SHANK2: variants seen among roughly 807,000 people sequenced by gnomAD.
The protein encoded by SHANK2 is SH3 and multiple ankyrin repeat domains protein 2.
SHANK2 carries 43 observed loss-of-function variants against 133.7 expected under a neutral mutation model. The ratio of observed to expected loss-of-function variants is 0.32; its 90% CI spans 0.25 to 0.41. The LOEUF (loss-of-function observed/expected upper bound fraction) is 0.41. Ranked by LOEUF, SHANK2 falls within the 10% of genes least tolerant of loss-of-function variation. The probability of loss-of-function intolerance (pLI) is 1.00; values close to 1 mark genes in which losing one functional copy is unlikely to be tolerated. For synonymous variants in SHANK2, 1,017 were observed against 952.8 expected (o/e 1.07, Z -1.24); for missense variants, 1,994 against 2,235.8 (o/e 0.89, Z 2.18).
At chr11:71,213,770 C>T (rs545868144) in intron 2 of SHANK2, among the ~76,000 whole-genome samples, 7 of 152,276 alleles carry the variant, frequency 4.6e-5, no homozygotes, top group African/African-American at 1.7e-4. Context: ...CACAGAGGAA[C>T]GGCCTTTCTG....
At chr11:70,946,482 T>A (rs1311568131) in intron 10 of SHANK2, among the ~76,000 whole-genome samples, 4 of 136,268 alleles carry the variant, frequency 2.9e-5, no homozygotes, top group Admixed American at 1.5e-4. Flanking sequence ...TTCCCCAGCA[T>A]CAGCCTCCCT....
intron 15 of SHANK2, among the ~76,000 whole-genome samples, chr11:70,682,149 G>A (rs1167961625): frequency 6.6e-6 from 1 of 152,178 alleles, no homozygotes; most frequent in Non-Finnish European, 1.5e-5. Flanking sequence ...GCACCCTCAA[G>A]AGCACCACAA....
intron 17 of SHANK2, among the ~76,000 whole-genome samples, chr11:70,547,443 T>C (rs1565119028): frequency 6.6e-6 from 1 of 152,136 alleles, no homozygotes; most frequent in African/African-American, 2.4e-5. Flanking sequence ...GTGTTTTTAG[T>C]AGAGATGCCG....
At chr11:70,638,498 G>C (rs1320699649) in intron 17 of SHANK2, among the ~76,000 whole-genome samples, 1 of 152,188 alleles carries the variant, frequency 6.6e-6, no homozygotes, top group Non-Finnish European at 1.5e-5. Context: ...GATCCTCTCT[G>C]CTTTAACGGA....
chr11:70,486,844 G>C lies in SHANK2; in HGVS notation c.3449C>G (p.Pro1150Arg), dbSNP rs782308006. Residue 1150 changes from proline to arginine, a missense_variant, in exon 25 of 26, where the codon CCC becomes CGC. Around this residue, in one of 5 missense-constraint regions of SHANK2, gnomAD observed 797 missense variants for 907.4 expected, o/e 0.88. Coordinates refer to ENST00000601538, the MANE Select transcript of SHANK2 (RefSeq NM_012309.5). This position sits in a 1 kb window ranked among gnomAD's most constrained non-coding sequence, Gnocchi z 8.0. ...QLSSPMPSAT[P>R]REPENHFVGG... ...CACGAAATGGTTTTCGGGCTCCCTG[G>C]GCGTGGCACTCGGCATGGGGGATGA... 1 of 1,612,768 alleles carries C rather than the reference G, an allele frequency of 6.2e-7. No homozygotes were observed. Among genetic ancestry groups the C allele is most frequent in the East Asian group, 2.2e-5 (1 of 44,862 alleles).
intron 15 of SHANK2, among the ~76,000 whole-genome samples, chr11:70,665,130 G>A (rs1277549463): frequency 2.0e-5 from 3 of 152,116 alleles, no homozygotes; most frequent in Admixed American, 6.5e-5. Context: ...GATTCCTAAT[G>A]CACCCAAGAA....
intron 14 of SHANK2, among the ~76,000 whole-genome samples, chr11:70,744,813 T>C (rs527978023): frequency 6.6e-6 from 1 of 152,344 alleles, no homozygotes; most frequent in South Asian, 2.1e-4. Flanking sequence ...GCCCCTTGGC[T>C]GCACCCCTGC....
At position 70,569,939 on chromosome 11, in the gene SHANK2, T is replaced by TAG. The variant is rs34853868; in HGVS notation, c.2062-67010_2062-67009dup. On this transcript the variant is annotated intron_variant, in intron 17 of 25. Transcript: ENST00000601538. The surrounding 1 kb of genome is among the most constrained non-coding windows in gnomAD (Gnocchi z 5.1). ...TCACCGAGACAGAGACACAGAGACA[T>TAG]AGAGAGAGAGAGAGAAGGGAGTGAG... Among the ~76,000 whole-genome samples the TAG allele has an allele frequency of 0.22, 32,884 of 147,580 alleles. 4,198 individuals are homozygous for TAG. Among genetic ancestry groups the TAG allele is most frequent in the South Asian group, 0.32 (1,447 of 4,564 alleles).
intron 17 of SHANK2, among the ~76,000 whole-genome samples, chr11:70,599,139 G>A (rs2060442282): frequency 2.6e-5 from 4 of 151,436 alleles, no homozygotes; most frequent in African/African-American, 9.7e-5. Flanking sequence ...AAAGTGGCTG[G>A]ATAAAATAAA....
chr11:71,085,590 TATA>T (rs1243107768), intron 8 of SHANK2, among the ~76,000 whole-genome samples: 1 of 28,402 alleles, frequency 3.5e-5, no homozygotes, highest in African/African-American at 1.0e-4. Flanking sequence ...TAATATATTA[TATA>T]ATATATATAT....
intron 17 of SHANK2, among the ~76,000 whole-genome samples, chr11:70,599,564 C>A (rs28641151): frequency 1.0e-5 from 1 of 95,896 alleles, no homozygotes; most frequent in South Asian, 4.5e-4. Context: ...GCCGAGATTG[C>A]GCCACTGCAC....
In SHANK2 at chr11:70,471,238, G is replaced by T; in HGVS notation, c.*1631C>A. ...AATTTTATGTGTTCATTCTAGAGCTGTTCCAGACCTAATCAAGAAAAAAAG... is the reference window on the plus strand; with the variant it reads ...AATTTTATGTGTTCATTCTAGAGCTTTTCCAGACCTAATCAAGAAAAAAAG... On this transcript the variant is annotated 3_prime_UTR_variant, in exon 26 of 26. Coordinates refer to ENST00000601538, the MANE Select transcript of SHANK2 (RefSeq NM_012309.5). This position sits in a 1 kb window ranked among gnomAD's most constrained non-coding sequence, Gnocchi z 4.1. 1 of 396,012 alleles carries T rather than the reference G, an allele frequency of 2.5e-6. No individual in the cohort carries two copies. 24.5% of individuals were successfully genotyped at this position (396,012 alleles called of 1,614,324 possible).
intron 14 of SHANK2, among the ~76,000 whole-genome samples, chr11:70,771,279 G>A (rs1305109522): frequency 1.3e-5 from 2 of 152,152 alleles, no homozygotes; most frequent in African/African-American, 4.8e-5. Flanking sequence ...ACACCATCGC[G>A]AAGGAGTGAC....
At chr11:70,914,075 T>C (rs756533445) in intron 10 of SHANK2, among the ~76,000 whole-genome samples, 1 of 152,180 alleles carries the variant, frequency 6.6e-6, no homozygotes, top group Non-Finnish European at 1.5e-5. Flanking sequence ...GGGGGATTTC[T>C]GTAAGGAGTT....
intron 10 of SHANK2, among the ~76,000 whole-genome samples, chr11:70,912,650 C>G (rs1210501302): frequency 6.6e-6 from 1 of 152,216 alleles, no homozygotes; most frequent in Admixed American, 6.5e-5. Context: ...GATGATACAT[C>G]TCTAAACACC....
chr11:70,568,898 T>C (rs1554982542), intron 17 of SHANK2, among the ~76,000 whole-genome samples: 1 of 152,098 alleles, frequency 6.6e-6, no homozygotes, highest in African/African-American at 2.4e-5. Flanking sequence ...CCCAGCTGTT[T>C]ATAGATGGCT....
chr11:70,587,589 A>C (rs1292859578), intron 17 of SHANK2, among the ~76,000 whole-genome samples: 1 of 152,206 alleles, frequency 6.6e-6, no homozygotes, highest in East Asian at 1.9e-4. Context: ...GGTATAAAAA[A>C]GATGCAGAGG....
intron 17 of SHANK2, among the ~76,000 whole-genome samples, chr11:70,625,791 T>A (rs2136483808): frequency 8.2e-6 from 1 of 121,368 alleles, no homozygotes; most frequent in South Asian, 2.8e-4. Flanking sequence ...TGCAGCCTCT[T>A]GGATCTCTGT....
chr11:70,561,987 T>C (rs879970345), intron 17 of SHANK2, among the ~76,000 whole-genome samples: 12 of 152,264 alleles, frequency 7.9e-5, no homozygotes, highest in African/African-American at 2.9e-4. Context: ...CATTTTGATA[T>C]GTTGTACTTT....
Sources: gnomAD v4.1 joint callset for allele counts (sites outside exome capture counted in the v4.1 genomes callset) on GRCh38, gnomAD v4.1.1 for gene constraint, gnomAD v4.1.1 regional missense constraint, Gnocchi (gnomAD v3.1) non-coding constraint, MANE v1.5 for transcripts, NCBI Gene and HGNC (gene_info 2026-07-23, HGNC 2026-07-21) for gene names.